The following RGS6 variants were observed in gnomAD, a reference collection of about 807,000 sequenced individuals.
RGS6 encodes regulator of G-protein signaling 6.
In RGS6, 30 loss-of-function variants were observed where a neutral mutation model predicts 78.5. The observed-to-expected ratio is 0.38, with a 90% CI of 0.29 to 0.52. RGS6 has a LOEUF of 0.52. RGS6 is among the 20% of genes least tolerant of loss of function. The pLI is 0.85. For synonymous variants in RGS6, 206 were observed against 206.0 expected (o/e 1.00, Z 0.00); for missense variants, 495 against 609.7 (o/e 0.81, Z 1.98).
chr14:71,994,673 T>A (rs1265051268), intron 2 of RGS6, among the ~76,000 whole-genome samples: 1 of 150,870 alleles, frequency 6.6e-6, no homozygotes, highest in Admixed American at 6.6e-5. Context: ...GCCGTCACAC[T>A]GGAAATTTGG....
intron 3 of RGS6, among the ~76,000 whole-genome samples, chr14:72,425,249 A>G (rs1014916206): frequency 6.6e-6 from 1 of 152,022 alleles, no homozygotes; most frequent in African/African-American, 2.4e-5. Context: ...GGCAATTCTC[A>G]TGCCTCAGCC....
At chr14:72,249,886 T>C (rs1289866660) in intron 2 of RGS6, among the ~76,000 whole-genome samples, 1 of 151,990 alleles carries the variant, frequency 6.6e-6, no homozygotes, top group Non-Finnish European at 1.5e-5. Flanking sequence ...GTGGCACATA[T>C]ACACCATGGA....
intron 13 of RGS6, among the ~76,000 whole-genome samples, chr14:72,504,534 G>A (rs944432783): frequency 6.6e-6 from 1 of 152,168 alleles, no homozygotes; most frequent in Non-Finnish European, 1.5e-5. Flanking sequence ...TCTCATTTAT[G>A]TCTAAAACTC....
At chr14:71,887,689 C>T in the RGS6 span, among the ~76,000 whole-genome samples, 1 of 152,148 alleles carries the variant, frequency 6.6e-6, no homozygotes, top group Non-Finnish European at 1.5e-5. Context: ...TGCTCTCAAA[C>T]CCTGTTTTCT....
At chr14:72,442,092 T>G (rs2095225209) in intron 3 of RGS6, among the ~76,000 whole-genome samples, 1 of 152,168 alleles carries the variant, frequency 6.6e-6, no homozygotes, top group Admixed American at 6.5e-5. Context: ...GATTTCCCTC[T>G]GGTTCTTAAG....
intron 12 of RGS6, among the ~76,000 whole-genome samples, chr14:72,490,646 C>G (rs1205822254): frequency 2.0e-5 from 3 of 152,158 alleles, no homozygotes; most frequent in African/African-American, 7.2e-5. Context: ...TGACAAAGAT[C>G]AGTTAAATGA....
chr14:71,962,649 C>T (rs911114648), intron 1 of RGS6, among the ~76,000 whole-genome samples: 6 of 152,140 alleles, frequency 3.9e-5, no homozygotes, highest in African/African-American at 7.2e-5. Context: ...CCTGATATTA[C>T]AGTGTATAGA....
At chr14:72,247,261 T>G (rs906710880) in intron 2 of RGS6, among the ~76,000 whole-genome samples, 8 of 152,182 alleles carry the variant, frequency 5.3e-5, no homozygotes, top group Admixed American at 2.6e-4. Flanking sequence ...TCCCTGAAAG[T>G]TGGGGTTAGC....
At chr14:72,352,652 G>A (rs1242495877) in intron 3 of RGS6, among the ~76,000 whole-genome samples, 1 of 152,124 alleles carries the variant, frequency 6.6e-6, no homozygotes, top group Non-Finnish European at 1.5e-5. Flanking sequence ...TGTGCTTTGT[G>A]TGCTCATCTT....
At chr14:72,405,572 T>C (rs909457380) in intron 3 of RGS6, among the ~76,000 whole-genome samples, 6 of 152,196 alleles carry the variant, frequency 3.9e-5, no homozygotes, top group African/African-American at 1.4e-4. Flanking sequence ...GGTTGATTGT[T>C]GAGCGTTTAG....
At chr14:72,289,585 TTCACGCTGG>T (rs2063213512) in intron 2 of RGS6, among the ~76,000 whole-genome samples, 1 of 152,210 alleles carries the variant, frequency 6.6e-6, no homozygotes, top group African/African-American at 2.4e-5. Flanking sequence ...GAACCTCATG[TTCACGCTGG>T]GAGGTAGTTA....
In RGS6 at chr14:72,401,116, T is replaced by G. The variant is rs74704833; in HGVS notation, c.184+48922T>G. Among the ~76,000 whole-genome samples the G allele has an allele frequency of 7.6e-3, 1,163 of 152,308 alleles. 38 individuals carry two copies. Among genetic ancestry groups the G allele is most frequent in the East Asian group, 0.05 (258 of 5,182 alleles). The stretch of plus-strand genomic sequence containing the variant: ...AGGCATTGCTAAGTTAGATAAATCT[T>G]ATGTTCAGTCTTTTCTATCTTATCT... On this transcript the variant is annotated intron_variant, in intron 3 of 17. Transcript: ENST00000553525.
chr14:72,520,430 C>T (rs1598638941), intron 15 of RGS6, among the ~76,000 whole-genome samples: 1 of 152,190 alleles, frequency 6.6e-6, no homozygotes, highest in African/African-American at 2.4e-5. Context: ...GTGGTGCTCT[C>T]CTATCAGAAG....
chr14:72,001,506 ACACACACACACACAC>A (rs1363871253), intron 2 of RGS6, among the ~76,000 whole-genome samples: 12 of 81,532 alleles, frequency 1.5e-4, no homozygotes, highest in South Asian at 1.3e-3. Context: ...ACACACACAC[ACACACACACACACAC>A]AACGCAGCAA....
At chr14:71,943,190 T>TAGCTCCTATAAGC (rs2090919496) in intron 1 of RGS6, among the ~76,000 whole-genome samples, 1 of 152,200 alleles carries the variant, frequency 6.6e-6, no homozygotes, top group South Asian at 2.1e-4. Flanking sequence ...CTGCTATTAT[T>TAGCTCCTATAAGC]TGTTCTTAAA....
At chr14:72,207,265 A>G (rs2042942388) in intron 2 of RGS6, among the ~76,000 whole-genome samples, 1 of 152,214 alleles carries the variant, frequency 6.6e-6, no homozygotes, top group African/African-American at 2.4e-5. Context: ...AATATGGGAT[A>G]AATGTGATTA....
At chr14:72,499,592 A>T (rs747799885) in intron 13 of RGS6, among the ~76,000 whole-genome samples, 10 of 152,082 alleles carry the variant, frequency 6.6e-5, no homozygotes, top group Non-Finnish European at 1.3e-4. Context: ...GAAATTTCTC[A>T]AAGCTCTCAT....
intron 3 of RGS6, among the ~76,000 whole-genome samples, chr14:72,377,994 T>C (rs564587179): frequency 2.8e-4 from 42 of 152,138 alleles, no homozygotes; most frequent in African/African-American, 1.0e-3. Context: ...CAAAAAAATA[T>C]TGAAATTTTA....
chr14:72,326,076 C>T (rs757703790), intron 2 of RGS6, among the ~76,000 whole-genome samples: 1 of 152,160 alleles, frequency 6.6e-6, no homozygotes, highest in African/African-American at 2.4e-5. Context: ...ATTGTGTGTA[C>T]TTGCACTTGT....
Sources: allele counts gnomAD v4.1 joint callset (sites outside exome capture counted in the v4.1 genomes callset), GRCh38; gene constraint gnomAD v4.1.1; transcripts MANE v1.5; gene names NCBI Gene and HGNC (gene_info 2026-07-23, HGNC 2026-07-21).